Variants in UBAP2 observed in about 807,000 individuals in gnomAD.
UBAP2 encodes ubiquitin associated protein 2.
A neutral mutation model predicts 139.6 loss-of-function variants in UBAP2; 75 were observed. That is an observed-to-expected ratio of 0.54 (90% CI 0.45 to 0.65). UBAP2 has a LOEUF of 0.65. Among genes scored for constraint, UBAP2 ranks in the 30% least tolerant of loss-of-function variants. The pLI is 0.00. For synonymous variants in UBAP2, 526 were observed against 526.2 expected, an observed-to-expected ratio of 1.00 and a Z score of 0.01; for missense variants, 1,368 against 1,369.6, an observed-to-expected ratio of 1.00 and a Z score of 0.02.
At chr9:33,980,220 CTTTTTTTTTTTTTTTTTT>C (rs1173781682) in intron 6 of UBAP2, among the ~76,000 whole-genome samples, 12 of 49,134 alleles carry the variant, frequency 2.4e-4, no homozygotes, top group African/African-American at 7.1e-4. Context: ...AGTGTCATTT[CTTTTTTTTTTTTTTTTTT>C]TTTTTTTTTT....
At chr9:33,934,327 C>A (rs1824266990) in intron 17 of UBAP2, 1 of 155,786 alleles carries the variant, frequency 6.4e-6, no homozygotes, top group African/African-American at 2.4e-5. Flanking sequence ...GCTGTCCACA[C>A]ATACAACTCA....
At chr9:33,975,327 G>T (rs1423816060) in intron 6 of UBAP2, among the ~76,000 whole-genome samples, 1 of 151,832 alleles carries the variant, frequency 6.6e-6, no homozygotes, top group East Asian at 1.9e-4. Context: ...AGCTACCTGG[G>T]AGGCTGAGGC....
At chr9:34,012,875 G>A (rs1378068611) in intron 2 of UBAP2, among the ~76,000 whole-genome samples, 1 of 151,104 alleles carries the variant, frequency 6.6e-6, no homozygotes, top group Non-Finnish European at 1.5e-5. Flanking sequence ...TCACGGTCAG[G>A]CCCAGGGGCT....
In UBAP2 at chr9:33,996,326, T is replaced by C; in HGVS notation, c.185A>G (p.Glu62Gly). The change falls in exon 4 of 29, where the codon GAA (glutamate) becomes GGA (glycine). Residue 62 changes from glutamate to glycine, a missense_variant. By Grantham distance (98) the Glu-to-Gly change is moderately conservative. Transcript: ENST00000379238. ...TTCATCCTGATTTTTCCCTGTCACT[T>C]CCATAAGCTAGTGAACATATCAGAA... ...DFEAKVKQLM[E>G]VTGKNQDECI... is the part of the protein sequence containing the mutation. 6.2e-7 allele frequency: 1 copy of C among 1,612,210 alleles called. No homozygotes were observed. The highest frequency in any genetic ancestry group is 8.5e-7 in the Non-Finnish European group (1 of 1,178,934).
chr9:34,018,789 G>A (rs575696322), intron 1 of UBAP2, among the ~76,000 whole-genome samples: 31 of 152,242 alleles, frequency 2.0e-4, no homozygotes, highest in Non-Finnish European at 4.1e-4. Flanking sequence ...CGTGAACCCG[G>A]GAGGTGGAGC....
At chr9:33,977,198 CT>C (rs1820209353) in intron 6 of UBAP2, among the ~76,000 whole-genome samples, 1 of 151,520 alleles carries the variant, frequency 6.6e-6, no homozygotes, top group African/African-American at 2.4e-5. Flanking sequence ...GCCACCACGC[CT>C]GGCTGATTTT....
chr9:33,996,699 A>G (rs1158437103), intron 3 of UBAP2: 2 of 206,380 alleles, frequency 9.7e-6, no homozygotes, highest in Non-Finnish European at 1.9e-5. Context: ...AGGTGGAACT[A>G]TATGAGTACA....
At chr9:34,002,712 G>A (rs995125453) in intron 2 of UBAP2, among the ~76,000 whole-genome samples, 28 of 151,378 alleles carry the variant, frequency 1.8e-4, no homozygotes, top group African/African-American at 5.6e-4. Flanking sequence ...TCATTGTGTC[G>A]GCTAGGCTGG....
At chr9:34,036,127 T>G in intron 1 of UBAP2, among the ~76,000 whole-genome samples, 1 of 152,032 alleles carries the variant, frequency 6.6e-6, no homozygotes, top group East Asian at 1.9e-4. Context: ...TCTTTTTTTT[T>G]TTTTGAGACG....
At chr9:34,027,528 G>A (rs781770326) in intron 1 of UBAP2, among the ~76,000 whole-genome samples, 29 of 150,496 alleles carry the variant, frequency 1.9e-4, no homozygotes, top group Non-Finnish European at 3.5e-4. Flanking sequence ...AACCAGCCTG[G>A]GCAACACAGT....
Position 33,923,891 on chromosome 9 carries a change from G to C in UBAP2, c.2700C>G (p.Pro900=), listed in dbSNP as rs771100010. The C allele has an allele frequency of 6.2e-7, 1 of 1,614,222 alleles. No individual in the cohort carries two copies. Among genetic ancestry groups the C allele is most frequent in the Non-Finnish European group, 8.5e-7 (1 of 1,180,030 alleles). The change falls in exon 24 of 29, where the codon CCC becomes CCG. Residue 900 remains proline, a synonymous_variant. Transcript: ENST00000379238. The part of the protein sequence containing the change: ...QSQTHHTAQQ[P]FVNPALPPGY... ...CAGGTGGCAGTGCAGGATTCACGAA[G>C]GGCTGCTGGGCTGTGTGGTGGGTCT...
intron 2 of UBAP2, among the ~76,000 whole-genome samples, chr9:34,013,445 C>T (rs1054086752): frequency 5.3e-5 from 8 of 151,670 alleles, no homozygotes; most frequent in South Asian, 2.1e-4. Context: ...GAGCTGACAT[C>T]GCACCATTGC....
At chr9:34,020,413 C>A (rs1318442560) in intron 1 of UBAP2, among the ~76,000 whole-genome samples, 2 of 151,738 alleles carry the variant, frequency 1.3e-5, no homozygotes, top group Non-Finnish European at 2.9e-5. Flanking sequence ...CAACCTCCAC[C>A]TTCTGGGTTC....
chr9:34,043,421 C>A (rs1484590303), intron 1 of UBAP2, among the ~76,000 whole-genome samples: 1 of 152,188 alleles, frequency 6.6e-6, no homozygotes, highest in East Asian at 1.9e-4. Context: ...CCTGCCTCGG[C>A]CTCCCAAAGT....
At chr9:34,021,608 T>C (rs1824945842) in intron 1 of UBAP2, among the ~76,000 whole-genome samples, 1 of 151,276 alleles carries the variant, frequency 6.6e-6, no homozygotes, top group African/African-American at 2.4e-5. Context: ...AAGGCATATC[T>C]GTATTTGAGA....
At chr9:33,941,969 T>C (rs1452590093) in intron 15 of UBAP2, 107 bp from the exon 16 acceptor site, 4 of 758,290 alleles carry the variant, frequency 5.3e-6, no homozygotes, top group African/African-American at 3.5e-5. Context: ...CATCAATTTA[T>C]TATCCCAAAT....
At chr9:33,993,934 G>A (rs753737800) in intron 4 of UBAP2, among the ~76,000 whole-genome samples, 7 of 140,300 alleles carry the variant, frequency 5.0e-5, no homozygotes, top group South Asian at 2.2e-4. Context: ...TCGCACTGTC[G>A]CCTGGGCTGG....
chr9:33,948,247 C>T (rs936117173), intron 13 of UBAP2, 127 bp downstream of exon 13: 1 of 753,848 alleles, frequency 1.3e-6, no homozygotes, highest in Non-Finnish European at 2.0e-6. Context: ...AACTGAGAAA[C>T]TGCAAGAGTT....
At chr9:34,010,093 C>T (rs1823614613) in intron 2 of UBAP2, among the ~76,000 whole-genome samples, 1 of 143,772 alleles carries the variant, frequency 7.0e-6, no homozygotes, top group Non-Finnish European at 1.5e-5. Flanking sequence ...AGGCATGAGC[C>T]ACCACGCCCA....
Sources: gnomAD v4.1 joint callset for allele counts (sites outside exome capture counted in the v4.1 genomes callset) on GRCh38, gnomAD v4.1.1 for gene constraint, MANE v1.5 for transcripts, NCBI Gene and HGNC (gene_info 2026-07-23, HGNC 2026-07-21) for gene names.